RALYL: variants seen among roughly 807,000 people sequenced by gnomAD.
RALYL encodes the protein RALY RNA binding protein like, also known as RNA-binding Raly-like protein.
In RALYL, 29 loss-of-function variants were observed where a neutral mutation model predicts 35.1. That is an observed-to-expected ratio of 0.83 (90% CI 0.61 to 1.13). The LOEUF (loss-of-function observed/expected upper bound fraction) is 1.13, where lower values mean the gene tolerates loss of function less well. Ranked by LOEUF, RALYL falls within the 50% of genes most tolerant of loss-of-function variation. The pLI, the probability that RALYL is intolerant of heterozygous loss-of-function variation, is 0.00. For synonymous variants in RALYL, 120 were observed against 127.6 expected, an observed-to-expected ratio of 0.94 and a Z score of 0.40; for missense variants, 359 against 360.4, an observed-to-expected ratio of 1.00 and a Z score of 0.03.
intron 6 of RALYL, chr8:84,872,377 T>C (rs1288384787): frequency 6.6e-6 from 1 of 152,116 alleles, no homozygotes; most frequent in East Asian, 1.9e-4. Context: ...AAAATTGAAA[T>C]GGTTTTCAGA....
intron 1 of RALYL, among the ~76,000 whole-genome samples, chr8:84,297,143 A>G (rs902766315): frequency 2.0e-5 from 3 of 151,852 alleles, no homozygotes; most frequent in Admixed American, 1.3e-4. Flanking sequence ...CAGACTGATT[A>G]TTTCATCACC....
At chr8:84,279,651 G>A (rs1585887439) in intron 1 of RALYL, among the ~76,000 whole-genome samples, 1 of 152,140 alleles carries the variant, frequency 6.6e-6, no homozygotes, top group African/African-American at 2.4e-5. Flanking sequence ...GGCTTTGGAG[G>A]AGCATCCACT....
At chr8:84,647,564 C>G (rs1827758763) in intron 2 of RALYL, among the ~76,000 whole-genome samples, 1 of 151,930 alleles carries the variant, frequency 6.6e-6, no homozygotes, top group Admixed American at 6.6e-5. Flanking sequence ...AAATATAACC[C>G]AGAATATGCA....
At chr8:84,625,723 A>G (rs925534154) in intron 2 of RALYL, among the ~76,000 whole-genome samples, 19 of 152,234 alleles carry the variant, frequency 1.2e-4, no homozygotes, top group African/African-American at 4.6e-4. Context: ...TCTGAAATCA[A>G]AGATTCTGTT....
At chr8:84,235,431 A>G (rs1227499245) in intron 1 of RALYL, among the ~76,000 whole-genome samples, 1 of 152,170 alleles carries the variant, frequency 6.6e-6, no homozygotes, top group African/African-American at 2.4e-5. Context: ...CAGATTGCCA[A>G]TTATGGCTCC....
chr8:84,480,302 A>G (rs1218293334), intron 1 of RALYL, among the ~76,000 whole-genome samples: 6 of 152,170 alleles, frequency 3.9e-5, no homozygotes, highest in African/African-American at 1.4e-4. Context: ...ACTCATTATC[A>G]TCATCAAAAA....
chr8:84,737,853 A>G (rs2132993783), intron 2 of RALYL, among the ~76,000 whole-genome samples: 1 of 152,122 alleles, frequency 6.6e-6, no homozygotes, highest in Admixed American at 6.6e-5. Context: ...TGAGCCAGGA[A>G]GCATGCTCTT....
intron 8 of RALYL, among the ~76,000 whole-genome samples, chr8:84,915,516 G>A (rs889053444): frequency 1.3e-5 from 2 of 152,032 alleles, no homozygotes; most frequent in African/African-American, 4.8e-5. Flanking sequence ...TAGACTCAAT[G>A]TAACAAATTC....
At chr8:84,735,412 T>C (rs904446956) in intron 2 of RALYL, among the ~76,000 whole-genome samples, 3 of 152,026 alleles carry the variant, frequency 2.0e-5, no homozygotes, top group African/African-American at 7.2e-5. Flanking sequence ...CATATTAACA[T>C]TCTACAAATT....
chr8:84,223,479 T>A (rs1430262273), intron 1 of RALYL, among the ~76,000 whole-genome samples: 1 of 152,114 alleles, frequency 6.6e-6, no homozygotes, highest in Non-Finnish European at 1.5e-5. Context: ...GTTTGGAATA[T>A]TCACTATAAG....
intron 1 of RALYL, among the ~76,000 whole-genome samples, chr8:84,279,578 C>A (rs1167502951): frequency 6.6e-6 from 1 of 152,126 alleles, no homozygotes; most frequent in Non-Finnish European, 1.5e-5. Context: ...AATTCATTAT[C>A]TTACATTTCT....
chr8:84,605,227 TA>T (rs954730946), intron 2 of RALYL, among the ~76,000 whole-genome samples: 1 of 152,130 alleles, frequency 6.6e-6, no homozygotes, highest in Non-Finnish European at 1.5e-5. Flanking sequence ...ATATCTGAAC[TA>T]AATCAATAAC....
chr8:84,884,335 G>A (rs1205366191), intron 7 of RALYL, among the ~76,000 whole-genome samples: 3 of 151,982 alleles, frequency 2.0e-5, no homozygotes, highest in Non-Finnish European at 4.4e-5. Flanking sequence ...CAGCTGGGAA[G>A]ATCAGGAAAG....
intron 2 of RALYL, among the ~76,000 whole-genome samples, chr8:84,672,899 T>G (rs188043325): frequency 4.0e-4 from 61 of 152,242 alleles, no homozygotes; most frequent in African/African-American, 1.4e-3. Context: ...AAGCTCCAGT[T>G]TCTGTAAATG....
Position 84,875,522 on chromosome 8 carries a change from G to C in RALYL, c.685+2125G>C, listed in dbSNP as rs1340764562. ...CATGTTTAAACTTTTACAGTCATGA[G>C]ACAGTTGCTTTTAAAATAATAAGAC... On this transcript the variant is annotated intron_variant, in intron 7 of 8. Transcript: ENST00000521268. Among the ~76,000 whole-genome samples the C allele has an allele frequency of 2.1e-5, 3 of 142,326 alleles. No individual in the cohort carries two copies. The East Asian group carries it at 6.6e-4, about 31-fold the overall frequency. The allele number at this position is 142,326 out of a possible 152,430, so 93.4% of individuals were successfully genotyped here. A position where few individuals can be genotyped will look rare whatever the true frequency, so the allele number is the denominator to read the frequency against.
At chr8:84,714,385 C>T (rs1179271103) in intron 2 of RALYL, among the ~76,000 whole-genome samples, 1 of 151,500 alleles carries the variant, frequency 6.6e-6, no homozygotes, top group African/African-American at 2.4e-5. Context: ...TTGAACATTG[C>T]TAAGGGAGTA....
intron 1 of RALYL, among the ~76,000 whole-genome samples, chr8:84,208,400 T>C (rs1818594324): frequency 6.6e-6 from 1 of 152,186 alleles, no homozygotes; most frequent in Non-Finnish European, 1.5e-5. Flanking sequence ...AAAATATGAT[T>C]GGTACCTTTT....
chr8:84,336,982 T>A (rs1361164526), intron 1 of RALYL, among the ~76,000 whole-genome samples: 1 of 142,604 alleles, frequency 7.0e-6, no homozygotes, highest in African/African-American at 2.5e-5. Context: ...TACTAGTGTT[T>A]GTATTCATAT....
At chr8:84,299,302 A>G (rs1376673260) in intron 1 of RALYL, among the ~76,000 whole-genome samples, 3 of 152,120 alleles carry the variant, frequency 2.0e-5, no homozygotes, top group Non-Finnish European at 4.4e-5. Context: ...CCAAACTTGC[A>G]TCCTAGAAAT....
Sources: gnomAD v4.1 joint callset for allele counts (sites outside exome capture counted in the v4.1 genomes callset) on GRCh38, gnomAD v4.1.1 for gene constraint, MANE v1.5 for transcripts, NCBI Gene and HGNC (gene_info 2026-07-23, HGNC 2026-07-21) for gene names.